Variants in SLC25A26 observed in about 807,000 individuals in gnomAD.
SLC25A26 encodes the protein mitochondrial S-adenosylmethionine carrier protein.
In SLC25A26, 36 loss-of-function variants were observed where a neutral mutation model predicts 37.8. That is an observed-to-expected ratio of 0.95 (90% CI 0.73 to 1.26). The LOEUF (loss-of-function observed/expected upper bound fraction) is 1.26. SLC25A26 is among the 50% of genes most tolerant of loss of function. The pLI is 0.00. For synonymous variants in SLC25A26, 129 were observed against 122.5 expected, an observed-to-expected ratio of 1.05 and a Z score of -0.35; for missense variants, 390 against 331.1, an observed-to-expected ratio of 1.18 and a Z score of -1.38.
At chr3:66,151,327 C>T (rs375266510) in intron 1 of SLC25A26, among the ~76,000 whole-genome samples, 17 of 151,784 alleles carry the variant, frequency 1.1e-4, no homozygotes, top group African/African-American at 2.2e-4. Flanking sequence ...TGCTAGGTTA[C>T]GAGGGAAGCA....
chr3:66,163,789 A>G (rs1382634094), intron 1 of SLC25A26, among the ~76,000 whole-genome samples: 1 of 152,200 alleles, frequency 6.6e-6, no homozygotes, highest in African/African-American at 2.4e-5. Flanking sequence ...GAAGTTTTGC[A>G]TGACAATTTA....
At chr3:66,166,189 C>G (rs574675458) in intron 1 of SLC25A26, among the ~76,000 whole-genome samples, 2 of 152,326 alleles carry the variant, frequency 1.3e-5, no homozygotes, top group Non-Finnish European at 2.9e-5. Flanking sequence ...AGGTGACATA[C>G]TGATCTGACA....
At chr3:66,205,791 T>C (rs963691658) in intron 1 of SLC25A26, among the ~76,000 whole-genome samples, 4 of 152,148 alleles carry the variant, frequency 2.6e-5, no homozygotes, top group African/African-American at 7.2e-5. Context: ...CAAGCTTACA[T>C]CCAACTAAGG....
intron 1 of SLC25A26, among the ~76,000 whole-genome samples, chr3:66,191,354 C>A (rs2070938214): frequency 2.0e-5 from 3 of 152,128 alleles, no homozygotes. Context: ...GTGACTGTGC[C>A]ACTGCACTCC....
chr3:66,220,944 C>T, upstream of SLC25A26: 1 of 823,834 alleles, frequency 1.2e-6, no homozygotes, highest in South Asian at 1.5e-5. Context: ...CCAGGTGTCT[C>T]GCGTTGCACG....
intron 1 of SLC25A26, among the ~76,000 whole-genome samples, chr3:66,210,011 T>C (rs2071263456): frequency 7.3e-6 from 1 of 137,680 alleles, no homozygotes; most frequent in South Asian, 2.5e-4. Context: ...TCCCCTAGCA[T>C]AGGCTTTTAG....
At chr3:66,275,897 C>T (rs965628068) in intron 5 of SLC25A26, among the ~76,000 whole-genome samples, 4 of 151,930 alleles carry the variant, frequency 2.6e-5, no homozygotes, top group Non-Finnish European at 5.9e-5. Context: ...CCAGTGAATA[C>T]CGTGTGGGTC....
intron 4 of SLC25A26, among the ~76,000 whole-genome samples, chr3:66,262,488 T>C (rs936152883): frequency 6.6e-6 from 1 of 152,202 alleles, no homozygotes; most frequent in Admixed American, 6.5e-5. Context: ...TTTAGGTCCA[T>C]GGAAGAGATT....
At chr3:66,146,929 G>C (rs998130867) in intron 1 of SLC25A26, among the ~76,000 whole-genome samples, 51 of 152,070 alleles carry the variant, frequency 3.4e-4, no homozygotes, top group African/African-American at 1.1e-3. Flanking sequence ...TACAGTATTT[G>C]GTTTTCCATT....
intron 1 of SLC25A26, among the ~76,000 whole-genome samples, chr3:66,146,905 T>TA (rs1348303340): frequency 6.6e-6 from 1 of 152,102 alleles, no homozygotes; most frequent in East Asian, 1.9e-4. Context: ...AGCTCCCACT[T>TA]ATAAGTGAGA....
chr3:66,182,436 G>T (rs2070729978), intron 1 of SLC25A26, among the ~76,000 whole-genome samples: 1 of 148,014 alleles, frequency 6.8e-6, no homozygotes, highest in African/African-American at 2.7e-5. Flanking sequence ...GGCGGCCTCT[G>T]AATTGTGAGA....
chr3:66,156,470 G>A (rs902382570), intron 1 of SLC25A26, among the ~76,000 whole-genome samples: 2 of 152,100 alleles, frequency 1.3e-5, no homozygotes, highest in Non-Finnish European at 2.9e-5. Flanking sequence ...GGTGGGAAGG[G>A]TTATTTTGAT....
chr3:66,193,604 G>A (rs2070986888), intron 1 of SLC25A26, among the ~76,000 whole-genome samples: 2 of 151,910 alleles, frequency 1.3e-5, no homozygotes, highest in Non-Finnish European at 2.9e-5. Context: ...AATGTGTTTT[G>A]GGGGTAGTCC....
chr3:66,359,943 T>C (rs2076660314), intron 6 of SLC25A26, among the ~76,000 whole-genome samples: 1 of 152,220 alleles, frequency 6.6e-6, no homozygotes, highest in South Asian at 2.1e-4. Context: ...GTAAATTGAA[T>C]TAATACACTT....
At chr3:66,221,160 A>C (rs1553658194) in intron 1 of SLC25A26, 33 bp downstream of exon 1, 3 of 1,498,144 alleles carry the variant, frequency 2.0e-6, no homozygotes, top group East Asian at 2.6e-5. Flanking sequence ...GGTTGCTCAG[A>C]GTGCCGGCGT....
chr3:66,257,805 C>G (rs1024226160), intron 3 of SLC25A26, among the ~76,000 whole-genome samples: 5 of 152,150 alleles, frequency 3.3e-5, no homozygotes, highest in African/African-American at 1.2e-4. Context: ...TGTACACTTG[C>G]TCATCTCCCT....
At chr3:66,362,120 A>G (rs1048390082) in intron 6 of SLC25A26, among the ~76,000 whole-genome samples, 1 of 152,228 alleles carries the variant, frequency 6.6e-6, no homozygotes, top group African/African-American at 2.4e-5. Flanking sequence ...CGCTTTGGAA[A>G]ACAGTTTGGC....
intron 5 of SLC25A26, among the ~76,000 whole-genome samples, chr3:66,299,131 C>T (rs2074995506): frequency 6.6e-6 from 1 of 152,104 alleles, no homozygotes; most frequent in Admixed American, 6.5e-5. Flanking sequence ...TGTATGTATA[C>T]AGTTCATTTG....
upstream of SLC25A26, among the ~76,000 whole-genome samples, chr3:66,217,170 G>T (rs1336032022): frequency 6.6e-6 from 1 of 152,056 alleles, no homozygotes; most frequent in Admixed American, 6.6e-5. Flanking sequence ...GCATTGAAGA[G>T]GAAAGGAATT....
Sources: allele counts gnomAD v4.1 joint callset (sites outside exome capture counted in the v4.1 genomes callset), GRCh38; gene constraint gnomAD v4.1.1; transcripts MANE v1.5; gene names NCBI Gene and HGNC (gene_info 2026-07-23, HGNC 2026-07-21).